GMIP: variants seen among roughly 807,000 people sequenced by gnomAD.
The protein encoded by GMIP is GEM interacting protein.
GMIP carries 54 observed loss-of-function variants against 105.3 expected under a neutral mutation model. The observed-to-expected ratio is 0.51, with a 90% CI of 0.41 to 0.64. GMIP has a LOEUF of 0.64. Among genes scored for constraint, GMIP ranks in the 30% least tolerant of loss-of-function variants. The pLI, the probability that GMIP is intolerant of heterozygous loss-of-function variation, is 0.00. For missense variants in GMIP, 1,110 were observed against 1,319.4 expected, an observed-to-expected ratio of 0.84 and a Z score of 2.46; for synonymous variants, 541 against 560.8, an observed-to-expected ratio of 0.96 and a Z score of 0.50.
At position 19,635,332 on chromosome 19, in the gene GMIP, G is replaced by A. The variant is rs1230864034; in HGVS notation, c.1560+83C>T. ...GACATCAGGTTAGGGTGGGTCCCAG[G>A]GGCAGAAAGGCTGTAGGAATCTCAG... On this transcript the variant is annotated intron_variant, in intron 15 of 20. Coordinates refer to ENST00000203556, the MANE Select transcript of GMIP (RefSeq NM_016573.4). This position sits in a 1 kb window ranked among gnomAD's most constrained non-coding sequence, Gnocchi z 4.7. 1.9e-6 allele frequency: 3 copies of A among 1,554,436 alleles called. No individual in the cohort carries two copies. The highest frequency in any genetic ancestry group is 2.6e-6 in the Non-Finnish European group (3 of 1,138,984).
rs769783652 is a variant in GMIP at position 19,642,554 on chromosome 19, C to T, written c.85G>A (p.Glu29Lys). The T allele has an allele frequency of 7.5e-6, 12 of 1,609,464 alleles. No homozygotes were observed. The highest frequency in any genetic ancestry group is 3.3e-5 in the Admixed American group (2 of 59,902). Residue 29 changes from glutamate to lysine, a missense_variant, in exon 2 of 21, where the codon GAA becomes AAA. Transcript: ENST00000203556. The part of the protein sequence containing the change: ...SDIFRSLDNL[E>K]ISLGNVTLEM... The stretch of plus-strand genomic sequence containing the variant: ...ACTCACACGTTCCCCAGTGAGATTT[C>T]GAGGTTGTCCAGGCTCCGGAAGATG...
Position 19,637,017 on chromosome 19 carries a change from G to T in GMIP, c.1137C>A (p.Asp379Glu). The change falls in exon 12 of 21, where the codon GAC (aspartate) becomes GAA (glutamate). Residue 379 changes from aspartate (D) to glutamate (E), a missense_variant. Asp to Glu is a conservative substitution (Grantham distance 45). Around this residue, in one of 3 missense-constraint regions of GMIP, gnomAD observed 667 missense variants for 773.2 expected, o/e 0.86. Coordinates refer to ENST00000203556, the MANE Select transcript of GMIP (RefSeq NM_016573.4). This position sits in a 1 kb window ranked among gnomAD's most constrained non-coding sequence, Gnocchi z 6.7. Reference sequence around the variant, plus strand: ...GAGGCCCAGAGAGCTTCTTTCTGATGTCCAGAGGGGAGCTGAGAAGACAGA... The same window carrying T: ...GAGGCCCAGAGAGCTTCTTTCTGATTTCCAGAGGGGAGCTGAGAAGACAGA... ...FLPSLNSSPL[D>E]IRKKLSGPLP... 1 of 1,566,720 alleles carries T rather than the reference G, an allele frequency of 6.4e-7. No homozygotes were observed. The highest frequency in any genetic ancestry group is 8.7e-7 in the Non-Finnish European group (1 of 1,153,230).
rs1481863689 is a variant in GMIP at position 19,636,604 on chromosome 19, G to A, written c.1327+103C>T. On this transcript the variant is annotated intron_variant, in intron 13 of 20. Transcript: ENST00000203556. ...GGAAATAGGTCAGGGGTGTGGGGTA[G>A]GTCAGAGGTCAAAGATAGTTAAAGA... The A allele has an allele frequency of 6.0e-6, 5 of 833,564 alleles. No individual in the cohort carries two copies. The East Asian group carries it at 1.2e-4, about 20-fold the overall frequency. 51.6% of individuals were successfully genotyped at this position (833,564 alleles called of 1,614,324 possible).
rs1295468852 is a variant in GMIP, at chr19:19,635,424, C to T, written c.1551G>A (p.Glu517=). The T allele has an allele frequency of 2.5e-6, 4 of 1,609,208 alleles. No individual in the cohort carries two copies. The highest frequency in any genetic ancestry group is 1.7e-5 in the Admixed American group (1 of 59,964). ...ECEAFMVSGT[E]CEECFLTCHK... ...TTAACCCAGGCCACACCTCCTCACA[C>T]TCCGTCCCGCTGACCATGAAGGCTT... The change falls in exon 15 of 21, where the codon GAG becomes GAA. Residue 517 remains glutamate, a synonymous_variant. Transcript: ENST00000203556. The surrounding 1 kb of genome is among the most constrained non-coding windows in gnomAD (Gnocchi z 4.7).
chr19:19,643,376 T>C (rs2061945057), intron 1 of GMIP, 135 bp downstream of exon 1: 3 of 776,878 alleles, frequency 3.9e-6, no homozygotes, highest in Non-Finnish European at 4.1e-6. Context: ...CTCCCCACAA[T>C]GGAGGATCCC....
In GMIP at chr19:19,634,909, C is replaced by G. The variant is rs2061837023; in HGVS notation, c.1770G>C (p.Gly590=). Residue 590 remains glycine (G), a synonymous_variant, in exon 17 of 21, where the codon GGG becomes GGC. Transcript: ENST00000203556. The surrounding 1 kb of genome is among the most constrained non-coding windows in gnomAD (Gnocchi z 6.1). ...LDVQGIYRVS[G]SRVRVERLCQ... ...ACAGCCGCTCCACACGGACCCGGGA[C>G]CCGCTGACCCGGTAAATGCCCTGCA... 2 of 1,613,980 alleles carry G rather than the reference C, an allele frequency of 1.2e-6. No individual in the cohort carries two copies. The highest frequency in any genetic ancestry group is 1.7e-5 in the Admixed American group (1 of 60,012).
At chr19:19,636,824 TC>T (rs1282279925) in intron 12 of GMIP, 28 bp from the exon 13 acceptor site, 1 of 1,590,344 alleles carries the variant, frequency 6.3e-7, no homozygotes, top group African/African-American at 1.3e-5. Flanking sequence ...ATAAGGATGG[TC>T]CCCTGCTCAC....
chr19:19,640,647 C>A (rs2043293), intron 4 of GMIP, 76 bp from the exon 5 acceptor site: 1,238,929 of 1,507,782 alleles, frequency 0.82, 509,358 homozygotes, highest in African/African-American at 0.85. Flanking sequence ...CCCAGACCAG[C>A]CCAGTGGCAC....
intron 6 of GMIP, 44 bp from the exon 7 acceptor site, chr19:19,640,236 G>A (rs1373614246): frequency 3.2e-6 from 5 of 1,580,358 alleles, no homozygotes; most frequent in African/African-American, 1.3e-5. Flanking sequence ...AAGATCTGTG[G>A]GGGACAAAGG....
At position 19,630,291 on chromosome 19, in the gene GMIP, C is replaced by T. The variant is rs748790587; in HGVS notation, c.2585G>A (p.Arg862His). Reference sequence around the variant, plus strand: ...CACTGGCTGGCGGCTGAAGTGGCCACGAGACTGTGTCCCCAGGAGTGAGTC... The same window carrying T: ...CACTGGCTGGCGGCTGAAGTGGCCATGAGACTGTGTCCCCAGGAGTGAGTC... ...PEDSLLGTQS[R>H]GHFSRQPVKY... Residue 862 changes from arginine to histidine, a missense_variant, in exon 21 of 21, where the codon CGT (arginine) becomes CAT (histidine). Arg to His is a conservative substitution (Grantham distance 29). This residue lies in a region of GMIP where 394 missense variants were observed against 450.5 expected (regional missense o/e 0.87). Coordinates refer to ENST00000203556, the MANE Select transcript of GMIP (RefSeq NM_016573.4). The surrounding 1 kb of genome is among the most constrained non-coding windows in gnomAD (Gnocchi z 4.8). The T allele has an allele frequency of 7.8e-6, 12 of 1,546,046 alleles. No homozygotes were observed. Among genetic ancestry groups the T allele is most frequent in the Admixed American group, 1.9e-5 (1 of 51,736 alleles).
rs2061846172 is a variant in GMIP at position 19,635,630 on chromosome 19, T to G, written c.1405+14A>C. The G allele has an allele frequency of 6.8e-6, 11 of 1,614,000 alleles. No homozygotes were observed. Among genetic ancestry groups the G allele is most frequent in the Non-Finnish European group, 9.3e-6 (11 of 1,179,872 alleles). ...TGCCCTGTCCCATCCTGACCTACCC[T>G]GCTTCAGCCTCACCAGGGTCTCGCT... On this transcript the variant is annotated intron_variant, in intron 14 of 20. Transcript: ENST00000203556. This position sits in a 1 kb window ranked among gnomAD's most constrained non-coding sequence, Gnocchi z 4.7.
chr19:19,637,924 C>G lies in GMIP; in HGVS notation c.923G>C (p.Arg308Thr). Reference sequence around the variant, plus strand: ...GGCCTTGGGGATGGGCCTCACCCGCCTCAGCACTTCATCCCCCTGAAACAC... The same window carrying G: ...GGCCTTGGGGATGGGCCTCACCCGCGTCAGCACTTCATCCCCCTGAAACAC... ...KLVFQGDEVL[R>T]RVTLSLFGLR... Residue 308 changes from arginine (R) to threonine (T), a missense_variant, in exon 10 of 21, where the codon AGG becomes ACG. Transcript: ENST00000203556. The surrounding 1 kb of genome is among the most constrained non-coding windows in gnomAD (Gnocchi z 6.7). 6.2e-7 allele frequency: 1 copy of G among 1,602,068 alleles called. No individual in the cohort carries two copies. The highest frequency in any genetic ancestry group is 2.2e-5 in the East Asian group (1 of 44,730).
chr19:19,641,432 G>C (rs1002159601), intron 4 of GMIP, among the ~76,000 whole-genome samples: 1 of 152,202 alleles, frequency 6.6e-6, no homozygotes, highest in Non-Finnish European at 1.5e-5. Context: ...AGGCTGGAGT[G>C]CAGTGGCACA....
chr19:19,642,469 C>G, intron 2 of GMIP, 66 bp downstream of exon 2: 4 of 937,282 alleles, frequency 4.3e-6, no homozygotes, highest in Non-Finnish European at 7.0e-6. Flanking sequence ...GACTGCAAGG[C>G]ACCTAAATGG....
chr19:19,637,955 TGC>T lies in GMIP; in HGVS notation c.890_891del (p.Arg297GlnfsTer8). The stretch of plus-strand genomic sequence containing the variant: ...ACTTCATCCCCCTGAAACACCAGCT[TGC>T]GCACGTGCGACACGATTCGCTGCTT... The part of the protein sequence containing the change: ...IAKQRIVSHV[R>X]KLVFQGDEVL... On this transcript the variant is annotated frameshift_variant, in exon 10 of 21. Transcript: ENST00000203556. LOFTEE classifies it high-confidence loss of function. The surrounding 1 kb of genome is among the most constrained non-coding windows in gnomAD (Gnocchi z 6.7). The T allele has an allele frequency of 1.2e-6, 2 of 1,610,312 alleles. No individual in the cohort carries two copies. The highest frequency in any genetic ancestry group is 1.7e-6 in the Non-Finnish European group (2 of 1,178,994).
intron 19 of GMIP, 139 bp downstream of exon 19, chr19:19,633,664 C>T (rs1483345098): frequency 3.3e-6 from 2 of 602,984 alleles, no homozygotes; most frequent in Non-Finnish European, 5.1e-6. Flanking sequence ...CTATTCCTTC[C>T]AGAATGAACA....
chr19:19,634,322 A>G lies in GMIP; in HGVS notation c.2085-132T>C, dbSNP rs2061827750. 1.9e-6 allele frequency: 2 copies of G among 1,059,324 alleles called. No individual in the cohort carries two copies. The highest frequency in any genetic ancestry group is 5.4e-5 in the Admixed American group (2 of 36,716). 65.6% of individuals were successfully genotyped at this position (1,059,324 alleles called of 1,614,324 possible). A position where few individuals can be genotyped will look rare whatever the true frequency, so the allele number is the denominator to read the frequency against. On this transcript the variant is annotated intron_variant, in intron 18 of 20. Transcript: ENST00000203556. The surrounding 1 kb of genome is among the most constrained non-coding windows in gnomAD (Gnocchi z 6.1). The stretch of plus-strand genomic sequence containing the variant: ...CAGGTGTAAGTCGTCTGAGACCAGC[A>G]GCCACATATCCAGAACTGGAGGTCA...
At chr19:19,640,678 TC>T in intron 4 of GMIP, 107 bp from the exon 5 acceptor site, 2 of 1,072,902 alleles carry the variant, frequency 1.9e-6, no homozygotes, top group Non-Finnish European at 2.8e-6. Flanking sequence ...GCCTCACAGC[TC>T]CCCAAACACT....
chr19:19,636,755 C>T lies in GMIP; in HGVS notation c.1279G>A (p.Gly427Ser). The T allele has an allele frequency of 6.2e-7, 1 of 1,613,622 alleles. No individual in the cohort carries two copies. The highest frequency in any genetic ancestry group is 8.5e-7 in the Non-Finnish European group (1 of 1,179,828). Residue 427 changes from glycine (G) to serine (S), a missense_variant, in exon 13 of 21, where the codon GGT (glycine) becomes AGT (serine). By Grantham distance (56) the Gly-to-Ser change is moderately conservative. Coordinates refer to ENST00000203556, the MANE Select transcript of GMIP (RefSeq NM_016573.4). ...PTPGSDVDSV[G>S]GGSESRSLDS... is the part of the protein sequence containing the mutation. ...AGGGACCGAGACTCGCTGCCGCCAC[C>T]CACGCTGTCCACATCGCTGCCCGGA...
Sources: allele counts gnomAD v4.1 joint callset (sites outside exome capture counted in the v4.1 genomes callset), GRCh38; gene constraint gnomAD v4.1.1; regional missense constraint gnomAD v4.1.1; non-coding constraint Gnocchi (gnomAD v3.1); transcripts MANE v1.5; gene names NCBI Gene and HGNC (gene_info 2026-07-23, HGNC 2026-07-21).